Variants in CASP8 observed in about 807,000 individuals in gnomAD.
CASP8 encodes caspase-8.
CASP8 carries 24 observed loss-of-function variants against 46.3 expected under a neutral mutation model. The ratio of observed to expected loss-of-function variants is 0.52; its 90% CI spans 0.38 to 0.73. The LOEUF is 0.73. CASP8 is among the 30% of genes least tolerant of loss of function. CASP8 has a pLI of 0.00. For missense variants in CASP8, 460 were observed against 559.0 expected (o/e 0.82, Z 1.79); for synonymous variants, 188 against 200.4 (o/e 0.94, Z 0.52).
intron 7 of CASP8, among the ~76,000 whole-genome samples, chr2:201,280,889 C>T (rs10804111): frequency 0.54 from 81,682 of 151,832 alleles, 22,861 homozygotes; most frequent in East Asian, 0.68. Flanking sequence ...GGAGAAAAAA[C>T]AGTGTTAAGC....
intron 7 of CASP8, among the ~76,000 whole-genome samples, chr2:201,277,558 TTTTGA>T (rs1369925033): frequency 6.6e-6 from 1 of 152,226 alleles, no homozygotes; most frequent in Non-Finnish European, 1.5e-5. Context: ...AGATTAATAA[TTTTGA>T]TTTGATCAAA....
intron 2 of CASP8, among the ~76,000 whole-genome samples, chr2:201,268,909 T>TTTTGTGTG (rs1553602755): frequency 1.5e-5 from 2 of 131,534 alleles, no homozygotes; most frequent in East Asian, 4.6e-4. Flanking sequence ...GGCCTCATCT[T>TTTTGTGTG]TGTGTGTGTG....
chr2:201,252,767 T>C (rs1345618464), intron 2 of CASP8, among the ~76,000 whole-genome samples: 8 of 152,198 alleles, frequency 5.3e-5, no homozygotes, highest in Non-Finnish European at 8.8e-5. Context: ...TAACCCACCT[T>C]CTAGATCTAC....
rs563358636 is a variant in CASP8, at chr2:201,268,949, G to T, written c.305+2158G>T. Among the ~76,000 whole-genome samples, 5 of 149,588 alleles carry T rather than the reference G, an allele frequency of 3.3e-5. No homozygotes were observed. The East Asian group carries it at 5.9e-4, about 18-fold the overall frequency. On this transcript the variant is annotated intron_variant, in intron 2 of 8. Transcript: ENST00000673742. Reference sequence around the variant, plus strand: ...TGTGTGTGTGTGTGTGTGTGTGTGTGTGTGTGTGAGACAGTGTCTCACTAC... The same window carrying T: ...TGTGTGTGTGTGTGTGTGTGTGTGTTTGTGTGTGAGACAGTGTCTCACTAC...
At chr2:201,268,497 G>A (rs189561840) in intron 2 of CASP8, among the ~76,000 whole-genome samples, 440 of 152,208 alleles carry the variant, frequency 2.9e-3, no homozygotes, top group Non-Finnish European at 5.2e-3. Context: ...GTTGCAGTAA[G>A]CTGAGATTAT....
At chr2:201,239,040 C>T (rs1015535971) in intron 2 of CASP8, among the ~76,000 whole-genome samples, 4 of 152,068 alleles carry the variant, frequency 2.6e-5, no homozygotes, top group Non-Finnish European at 5.9e-5. Context: ...TCCATTCAAC[C>T]CTGAGTGGAT....
intron 1 of CASP8, among the ~76,000 whole-genome samples, chr2:201,264,439 G>A (rs567066366): frequency 6.6e-6 from 1 of 151,738 alleles, no homozygotes; most frequent in Admixed American, 6.6e-5. Flanking sequence ...TGCTACCTGG[G>A]GTCTTGCCAC....
intron 2 of CASP8, among the ~76,000 whole-genome samples, chr2:201,252,510 G>A (rs1220153584): frequency 3.3e-5 from 5 of 152,090 alleles, no homozygotes; most frequent in African/African-American, 9.7e-5. Context: ...ACTTGACCTC[G>A]TGATCCACCA....
chr2:201,251,345 A>G (rs892505177), intron 2 of CASP8, among the ~76,000 whole-genome samples: 2 of 152,186 alleles, frequency 1.3e-5, no homozygotes, highest in African/African-American at 4.8e-5. Context: ...CTGTGATCCC[A>G]GCACTTTGGG....
At chr2:201,277,506 G>T (rs1252792833) in intron 7 of CASP8, among the ~76,000 whole-genome samples, 2 of 152,168 alleles carry the variant, frequency 1.3e-5, no homozygotes, top group East Asian at 3.8e-4. Flanking sequence ...TATAAAAAGT[G>T]ACTACAACAA....
chr2:201,260,408 GA>G (rs917122835), upstream of CASP8: 1 of 347,178 alleles, frequency 2.9e-6, no homozygotes, highest in African/African-American at 2.2e-5. Context: ...TGCAGCTTTA[GA>G]AGCTTTAGAA....
rs369148867 is a variant in CASP8, at chr2:201,249,026, G to A, written c.-27+14914G>A. On this transcript the variant is annotated intron_variant, in intron 2 of 6. Coordinates refer to the CASP8 transcript ENST00000264274. ...CATGACTCAGCCTCCTGAGTAGCTG[G>A]GACTACAGGTGCCCCCCACCATGCC... 5.3e-5 allele frequency among the ~76,000 whole-genome samples: 8 copies of A among 152,076 alleles called. No individual in the cohort carries two copies. The East Asian group carries it at 1.3e-3, about 26-fold the overall frequency.
chr2:201,251,594 C>CA (rs59005124), intron 2 of CASP8, among the ~76,000 whole-genome samples: 5,329 of 102,102 alleles, frequency 0.052, 156 homozygotes, highest in Non-Finnish European at 0.075. Flanking sequence ...GACTCTGTGT[C>CA]AAAAAAAAAA....
At chr2:201,257,938 A>G, upstream of CASP8, 1 of 421,894 alleles carries the variant, frequency 2.4e-6, no homozygotes. Flanking sequence ...CTCGGGCTTT[A>G]GTTTGCACGT....
intron 7 of CASP8, chr2:201,281,933 C>CTTTTTTTTTTTTTTTTTTTT (rs540286536): frequency 3.4e-5 from 9 of 262,200 alleles, no homozygotes; most frequent in East Asian, 1.5e-4. Flanking sequence ...GGTTCAAATT[C>CTTTTTTTTTTTTTTTTTTTT]TTTTTTTTTT....
chr2:201,277,054 C>A, intron 7 of CASP8, 86 bp downstream of exon 7: 1 of 913,032 alleles, frequency 1.1e-6, no homozygotes, highest in Non-Finnish European at 1.8e-6. Flanking sequence ...AAAGCTATAC[C>A]AAAAGGGCCA....
chr2:201,252,323 T>G (rs1174696422), intron 2 of CASP8, among the ~76,000 whole-genome samples: 1 of 152,156 alleles, frequency 6.6e-6, no homozygotes, highest in Non-Finnish European at 1.5e-5. Flanking sequence ...GTCACCAGGC[T>G]GTAGTACAGT....
intron 1 of CASP8, among the ~76,000 whole-genome samples, chr2:201,264,523 A>G (rs1947657383): frequency 1.3e-5 from 2 of 152,052 alleles, no homozygotes; most frequent in African/African-American, 4.8e-5. Context: ...CAGGGCCTAG[A>G]GCAACGATTG....
chr2:201,254,358 A>G (rs984641437), intron 2 of CASP8, among the ~76,000 whole-genome samples: 1 of 151,878 alleles, frequency 6.6e-6, no homozygotes, highest in Non-Finnish European at 1.5e-5. Flanking sequence ...GTCTTAGACA[A>G]CTCTTTGAGC....
Sources: allele counts gnomAD v4.1 joint callset (sites outside exome capture counted in the v4.1 genomes callset), GRCh38; gene constraint gnomAD v4.1.1; transcripts MANE v1.5; gene names NCBI Gene and HGNC (gene_info 2026-07-23, HGNC 2026-07-21).